The following PAK5 variants were observed in gnomAD, a reference collection of about 807,000 sequenced individuals.
The protein encoded by PAK5 is p21 (RAC1) activated kinase 5.
A neutral mutation model predicts 65.9 loss-of-function variants in PAK5; 16 were observed. The ratio of observed to expected loss-of-function variants is 0.24; its 90% CI spans 0.16 to 0.37. The LOEUF is 0.37. Ranked by LOEUF, PAK5 falls within the 10% of genes least tolerant of loss-of-function variation. PAK5 has a pLI of 1.00. For missense variants in PAK5, 785 were observed against 903.9 expected (o/e 0.87, Z 1.69); for synonymous variants, 371 against 354.9 (o/e 1.05, Z -0.51).
In PAK5 at chr20:9,665,744, T is replaced by C. The variant is rs370505113; in HGVS notation, c.-11-21405A>G. Among the ~76,000 whole-genome samples the C allele has an allele frequency of 2.6e-4, 39 of 151,982 alleles. No individual in the cohort carries two copies. In the East Asian group the frequency reaches 3.9e-3, roughly 15 times the overall value. On this transcript the variant is annotated intron_variant, in intron 2 of 9. Coordinates refer to ENST00000353224, the MANE Select transcript of PAK5 (RefSeq NM_177990.4). ...TCTGGCCTCAAGCAATCCTCCTACC[T>C]TGGCCTCCTAAAGTGCTGGGATTAC... is the stretch of plus-strand genomic sequence containing the variant.
chr20:9,677,814 G>C (rs1300636147), intron 2 of PAK5, among the ~76,000 whole-genome samples: 1 of 152,224 alleles, frequency 6.6e-6, no homozygotes, highest in Non-Finnish European at 1.5e-5. Context: ...TCATAGGACA[G>C]TATAGTGGCT....
chr20:9,775,915 A>C (rs1600360233), intron 1 of PAK5, among the ~76,000 whole-genome samples: 2 of 152,372 alleles, frequency 1.3e-5, no homozygotes, highest in African/African-American at 4.8e-5. Context: ...AATCTAAGAT[A>C]AATTGATTTT....
At chr20:9,550,256 C>T (rs1382203209) in intron 7 of PAK5, among the ~76,000 whole-genome samples, 1 of 152,154 alleles carries the variant, frequency 6.6e-6, no homozygotes, top group Non-Finnish European at 1.5e-5. Context: ...GGCACCTTTT[C>T]ACCCGTGAGT....
At position 9,665,648 on chromosome 20, in the gene PAK5, A is replaced by G. The variant is rs568553950; in HGVS notation, c.-11-21309T>C. On this transcript the variant is annotated intron_variant, in intron 2 of 9. Coordinates refer to ENST00000353224, the MANE Select transcript of PAK5 (RefSeq NM_177990.4). ...CAGTTGCACTCCACCAGGTCTCAAT[A>G]TTTCTTTTCTTTTCTTTTTTTTTTT... 1.9e-3 allele frequency among the ~76,000 whole-genome samples: 283 copies of G among 146,870 alleles called. 1 individual carries two copies. The highest frequency in any genetic ancestry group is 6.8e-3 in the African/African-American group (273 of 40,382).
chr20:9,745,945 C>A (rs1160585876), intron 1 of PAK5, among the ~76,000 whole-genome samples: 1 of 151,986 alleles, frequency 6.6e-6, no homozygotes, highest in African/African-American at 2.4e-5. Context: ...GTGGCCTCAG[C>A]TTTTTCTCCC....
intron 3 of PAK5, among the ~76,000 whole-genome samples, chr20:9,606,571 T>C (rs2046458586): frequency 6.6e-6 from 1 of 152,112 alleles, no homozygotes; most frequent in African/African-American, 2.4e-5. Context: ...AATCATAATG[T>C]TGAGTGAAAG....
At chr20:9,800,651 C>T (rs1015034456) in intron 1 of PAK5, among the ~76,000 whole-genome samples, 3 of 152,036 alleles carry the variant, frequency 2.0e-5, no homozygotes, top group African/African-American at 7.2e-5. Flanking sequence ...CCAACTTCTC[C>T]ATGGCTGACG....
intron 1 of PAK5, among the ~76,000 whole-genome samples, chr20:9,797,522 G>C (rs2049118633): frequency 6.7e-6 from 1 of 150,268 alleles, no homozygotes; most frequent in Non-Finnish European, 1.5e-5. Context: ...CGGAGGGATA[G>C]CATTAGGAGA....
At chr20:9,808,385 A>G (rs1042207855) in intron 1 of PAK5, among the ~76,000 whole-genome samples, 2 of 152,192 alleles carry the variant, frequency 1.3e-5, no homozygotes, top group African/African-American at 4.8e-5. Flanking sequence ...TGGTAATTGC[A>G]CTTCTAGGTA....
rs1174382400 is a variant in PAK5, at chr20:9,539,353, T to C, written c.*109A>G. 2 of 1,036,012 alleles carry C rather than the reference T, an allele frequency of 1.9e-6. No homozygotes were observed. The highest frequency in any genetic ancestry group is 3.2e-5 in the African/African-American group (2 of 63,480). The allele number at this position is 1,036,012 out of a possible 1,614,324, so 64.2% of individuals were successfully genotyped here. On this transcript the variant is annotated 3_prime_UTR_variant, in exon 10 of 10. Transcript: ENST00000353224. Reference sequence around the variant, plus strand: ...GCCGGTCATCACGCTGTCCCACCAATTGGCTGGTCTAGAATGCACAGGCCT... The same window carrying C: ...GCCGGTCATCACGCTGTCCCACCAACTGGCTGGTCTAGAATGCACAGGCCT...
chr20:9,572,773 C>T (rs1358816024), intron 4 of PAK5, among the ~76,000 whole-genome samples: 2 of 152,174 alleles, frequency 1.3e-5, no homozygotes, highest in South Asian at 2.1e-4. Context: ...TGGGAAACTG[C>T]AATGTAAGAG....
intron 1 of PAK5, among the ~76,000 whole-genome samples, chr20:9,721,437 CA>C (rs2048212181): frequency 6.6e-6 from 1 of 151,902 alleles, no homozygotes; most frequent in Non-Finnish European, 1.5e-5. Flanking sequence ...CAGCTGAGGT[CA>C]GGAGTTTGAG....
chr20:9,761,812 A>AT lies in PAK5; in HGVS notation c.-161-50378dup, dbSNP rs34996766. Among the ~76,000 whole-genome samples the AT allele has an allele frequency of 4.3e-4, 66 of 151,954 alleles. No homozygotes were observed. In the South Asian group the frequency reaches 9.6e-3, roughly 22 times the overall value. Reference sequence around the variant, plus strand: ...TTGCATATTTTAAATACACACAAGAATTTTTTTTTAAAATGGATTGGAAGT... The same window carrying AT: ...TTGCATATTTTAAATACACACAAGAATTTTTTTTTTAAAATGGATTGGAAGT... On this transcript the variant is annotated intron_variant, in intron 1 of 9. Coordinates refer to ENST00000353224, the MANE Select transcript of PAK5 (RefSeq NM_177990.4).
At chr20:9,640,583 G>T (rs1191663031) in intron 3 of PAK5, among the ~76,000 whole-genome samples, 2 of 152,172 alleles carry the variant, frequency 1.3e-5, no homozygotes, top group Non-Finnish European at 2.9e-5. Context: ...GAATTGGTGG[G>T]TTCTTGGTCT....
chr20:9,647,123 A>G (rs2047144693), intron 2 of PAK5, among the ~76,000 whole-genome samples: 1 of 152,210 alleles, frequency 6.6e-6, no homozygotes, highest in South Asian at 2.1e-4. Flanking sequence ...AGCTGCTTCA[A>G]AGTTTCAAGT....
At chr20:9,694,183 T>C (rs2047836296) in intron 2 of PAK5, among the ~76,000 whole-genome samples, 1 of 152,044 alleles carries the variant, frequency 6.6e-6, no homozygotes, top group African/African-American at 2.4e-5. Context: ...CTGCAAAAAA[T>C]CTTATTATAT....
intron 2 of PAK5, among the ~76,000 whole-genome samples, chr20:9,685,445 C>G (rs6039548): frequency 7.9e-5 from 12 of 151,998 alleles, no homozygotes; most frequent in African/African-American, 2.9e-4. Context: ...CAGGGAGAAC[C>G]ACAAATAATC....
At chr20:9,659,570 T>A (rs1374041311) in intron 2 of PAK5, among the ~76,000 whole-genome samples, 1 of 152,174 alleles carries the variant, frequency 6.6e-6, no homozygotes, top group African/African-American at 2.4e-5. Context: ...TCATTGATTA[T>A]ATGAATTTTA....
chr20:9,688,244 C>G (rs1350021033), intron 2 of PAK5, among the ~76,000 whole-genome samples: 1 of 152,020 alleles, frequency 6.6e-6, no homozygotes, highest in African/African-American at 2.4e-5. Context: ...CTGAGAGTCC[C>G]ATGAGAAGCC....
Sources: gnomAD v4.1 joint callset for allele counts (sites outside exome capture counted in the v4.1 genomes callset) on GRCh38, gnomAD v4.1.1 for gene constraint, MANE v1.5 for transcripts, NCBI Gene and HGNC (gene_info 2026-07-23, HGNC 2026-07-21) for gene names.